SLC8A2: variants seen among roughly 807,000 people sequenced by gnomAD.
The protein encoded by SLC8A2 is sodium/calcium exchanger 2.
A neutral mutation model predicts 70.2 loss-of-function variants in SLC8A2; 14 were observed. The ratio of observed to expected loss-of-function variants is 0.20; its 90% confidence interval spans 0.13 to 0.31. The LOEUF is 0.31. SLC8A2 is among the 10% of genes least tolerant of loss of function. The pLI is 1.00. For synonymous variants in SLC8A2, 575 were observed against 594.3 expected (o/e 0.97, Z 0.47); for missense variants, 779 against 1,320.1 (o/e 0.59, Z 6.35).
intron 3 of SLC8A2, among the ~76,000 whole-genome samples, chr19:47,450,751 G>C (rs974310678): frequency 1.6e-4 from 25 of 152,056 alleles, no homozygotes; most frequent in Non-Finnish European, 3.4e-4. Flanking sequence ...CCAGCTGTGT[G>C]ATCTTGGGCG....
chr19:47,441,396 T>C lies in SLC8A2; in HGVS notation c.1808A>G (p.Lys603Arg), dbSNP rs1390504817. The change falls in exon 5 of 10, where the codon AAA becomes AGA. Residue 603 changes from lysine to arginine, a missense_variant. Physicochemically the swap from Lys to Arg is conservative, Grantham distance 26. This residue lies in a region of SLC8A2 where 247 missense variants were observed against 362.8 expected (regional missense o/e 0.68). Transcript: ENST00000236877. ...CAGCTCAATGAAGAAATTATCCTTT[T>C]TCTCATATTCCTCGTCATCAACTAT... Reference protein sequence around the residue: ...VKIVDDEEYEKKDNFFIELGQ... With the variant: ...VKIVDDEEYERKDNFFIELGQ... 1 of 1,613,996 alleles carries C rather than the reference T, an allele frequency of 6.2e-7. No individual in the cohort carries two copies. Among genetic ancestry groups the C allele is most frequent in the East Asian group, 2.2e-5 (1 of 44,880 alleles).
chr19:47,435,484 G>A (rs566259261), intron 8 of SLC8A2, among the ~76,000 whole-genome samples: 3 of 151,180 alleles, frequency 2.0e-5, no homozygotes, highest in East Asian at 1.9e-4. Flanking sequence ...CCATCTCCCC[G>A]TTGTTCGTGG....
At chr19:47,471,089 A>C (rs766292488) in intron 1 of SLC8A2, among the ~76,000 whole-genome samples, 4 of 151,426 alleles carry the variant, frequency 2.6e-5, no homozygotes, top group Admixed American at 2.6e-4. Context: ...AGAGACTGAG[A>C]TATCCAGAGA....
At chr19:47,444,441 T>G (rs1351871177) in intron 4 of SLC8A2, among the ~76,000 whole-genome samples, 1 of 152,048 alleles carries the variant, frequency 6.6e-6, no homozygotes, top group Admixed American at 6.5e-5. Flanking sequence ...TTCAATTTTC[T>G]GTGGGTGGAA....
At position 47,430,026 on chromosome 19, in the gene SLC8A2, G is replaced by T; in HGVS notation, c.*63C>A. ...GGGGGAAAAGGAGACCAGGGTCCAAGAGCAGGTGCAGCCGAGTCCCTAGCC... is the reference window on the plus strand; with the variant it reads ...GGGGGAAAAGGAGACCAGGGTCCAATAGCAGGTGCAGCCGAGTCCCTAGCC... On this transcript the variant is annotated 3_prime_UTR_variant, in exon 10 of 10. Transcript: ENST00000236877. This position sits in a 1 kb window ranked among gnomAD's most constrained non-coding sequence, Gnocchi z 5.9. 2 of 1,497,096 alleles carry T rather than the reference G, an allele frequency of 1.3e-6. No individual in the cohort carries two copies. The highest frequency in any genetic ancestry group is 1.8e-6 in the Non-Finnish European group (2 of 1,117,742). The allele number at this position is 1,497,096 out of a possible 1,614,324, so 92.7% of individuals were successfully genotyped here. A position where few individuals can be genotyped will look rare whatever the true frequency, so the allele number is the denominator to read the frequency against.
intron 3 of SLC8A2, among the ~76,000 whole-genome samples, chr19:47,449,828 G>A (rs2122632984): frequency 6.6e-6 from 1 of 152,190 alleles, no homozygotes; most frequent in East Asian, 1.9e-4. Context: ...ATCACCTAGG[G>A]CCTGGGTGGG....
intron 3 of SLC8A2, among the ~76,000 whole-genome samples, chr19:47,449,191 G>A (rs111329539): frequency 6.6e-6 from 1 of 152,138 alleles, no homozygotes; most frequent in South Asian, 2.1e-4. Context: ...GAAACAGGAG[G>A]GTAGGGAGTG....
At position 47,430,422 on chromosome 19, in the gene SLC8A2, G is replaced by A; in HGVS notation, c.2433C>T (p.Ala811=). The change falls in exon 10 of 10, where the codon GCC becomes GCT. Residue 811 remains alanine, a synonymous_variant. Coordinates refer to ENST00000236877, the MANE Select transcript of SLC8A2 (RefSeq NM_015063.3). This position sits in a 1 kb window ranked among gnomAD's most constrained non-coding sequence, Gnocchi z 5.9. ...SKVAALQDQC[A]DASIGNVTGS... ...CGGTCACGTTGCCGATGGACGCGTC[G>A]GCGCACTGGTCCTGCAGCGCCGCCA... 1 of 1,608,086 alleles carries A rather than the reference G, an allele frequency of 6.2e-7. No individual in the cohort carries two copies. Among genetic ancestry groups the A allele is most frequent in the Non-Finnish European group, 8.5e-7 (1 of 1,178,570 alleles).
rs1966915573 is a variant in SLC8A2, at chr19:47,429,164, G to T, written c.*925C>A. Reference sequence around the variant, plus strand: ...CCAGATTGTCAGGGGAGATCAACTGGACTCGCTTTGATTCCCGGCCTCCTC... The same window carrying T: ...CCAGATTGTCAGGGGAGATCAACTGTACTCGCTTTGATTCCCGGCCTCCTC... On this transcript the variant is annotated 3_prime_UTR_variant, in exon 10 of 10. Coordinates refer to ENST00000236877, the MANE Select transcript of SLC8A2 (RefSeq NM_015063.3). 1 of 152,586 alleles carries T rather than the reference G, an allele frequency of 6.6e-6. No individual in the cohort carries two copies. Among genetic ancestry groups the T allele is most frequent in the African/African-American group, 2.4e-5 (1 of 41,390 alleles). 9.5% of individuals were successfully genotyped at this position (152,586 alleles called of 1,614,324 possible).
At chr19:47,431,676 A>C (rs11880411) in intron 9 of SLC8A2, among the ~76,000 whole-genome samples, 29,331 of 113,840 alleles carry the variant, frequency 0.26, 5,609 homozygotes, top group African/African-American at 0.54. Context: ...AAAAAAAAAA[A>C]AAAACAAAAC....
Position 47,430,216 on chromosome 19 carries a change from T to G in SLC8A2, c.2639A>C (p.His880Pro), listed in dbSNP as rs1966937254. ...IAVLLYRRRP[H>P]IGGELGGPRG... ...CGGGCCGCCCAGCTCGCCGCCGATG[T>G]GCGGCCGGCGCCGGTACAGCAGCAC... Residue 880 changes from histidine (H) to proline (P), a missense_variant, in exon 10 of 10, where the codon CAC becomes CCC. His to Pro is a moderately conservative substitution (Grantham distance 77). Around this residue, in one of 6 missense-constraint regions of SLC8A2, gnomAD observed 108 missense variants for 269.6 expected, o/e 0.40. Transcript: ENST00000236877. This position sits in a 1 kb window ranked among gnomAD's most constrained non-coding sequence, Gnocchi z 5.9. 1 of 1,608,080 alleles carries G rather than the reference T, an allele frequency of 6.2e-7. No homozygotes were observed. Among genetic ancestry groups the G allele is most frequent in the Non-Finnish European group, 8.5e-7 (1 of 1,177,106 alleles).
At chr19:47,434,794 C>T (rs1967005698) in intron 8 of SLC8A2, among the ~76,000 whole-genome samples, 1 of 152,156 alleles carries the variant, frequency 6.6e-6, no homozygotes, top group Non-Finnish European at 1.5e-5. Flanking sequence ...CAGCAAAGAA[C>T]CAAAAGGCAC....
rs1054092450 is a variant in SLC8A2, at chr19:47,466,803, A to C, written c.-16-384T>G. Among the ~76,000 whole-genome samples the C allele has an allele frequency of 1.3e-5, 2 of 152,178 alleles. No homozygotes were observed. ...TCATAGCAGGCCGGGTGCGGTGGCT[A>C]CGCCTGTAATCCCTGAACTTTGGGA... On this transcript the variant is annotated intron_variant, in intron 1 of 9. Coordinates refer to ENST00000236877, the MANE Select transcript of SLC8A2 (RefSeq NM_015063.3). The surrounding 1 kb of genome is among the most constrained non-coding windows in gnomAD (Gnocchi z 6.9).
chr19:47,452,473 T>A (rs1440028946), intron 3 of SLC8A2, among the ~76,000 whole-genome samples: 2 of 149,426 alleles, frequency 1.3e-5, no homozygotes, highest in Non-Finnish European at 3.0e-5. Context: ...TGTGTGTGTG[T>A]GTGTGTGTGT....
intron 2 of SLC8A2, 51 bp from the exon 3 acceptor site, chr19:47,457,645 C>T (rs1967324631): frequency 7.9e-7 from 1 of 1,261,770 alleles, no homozygotes; most frequent in East Asian, 2.7e-5. Flanking sequence ...CTTCTCCCTC[C>T]CCGCCTCTCT....
In SLC8A2 at chr19:47,428,062, C is replaced by T. The variant is rs1387386424; in HGVS notation, c.*2027G>A. 1 of 152,218 alleles carries T rather than the reference C, an allele frequency of 6.6e-6. No homozygotes were observed. Among genetic ancestry groups the T allele is most frequent in the Non-Finnish European group, 1.5e-5 (1 of 68,082 alleles). 9.4% of individuals were successfully genotyped at this position (152,218 alleles called of 1,614,324 possible). On this transcript the variant is annotated 3_prime_UTR_variant, in exon 10 of 10. Coordinates refer to ENST00000236877, the MANE Select transcript of SLC8A2 (RefSeq NM_015063.3). ...TGCTTTATTTAGGAAACCCCATCAA[C>T]CCCAGCTCTTTGGCTCAGGCAAATG...
chr19:47,454,488 C>G (rs1568445073), intron 3 of SLC8A2, among the ~76,000 whole-genome samples: 1 of 152,102 alleles, frequency 6.6e-6, no homozygotes, highest in African/African-American at 2.4e-5. Context: ...GACAGTGTCT[C>G]ACTCTGTCAC....
chr19:47,443,751 A>G (rs1051468878), intron 4 of SLC8A2, among the ~76,000 whole-genome samples: 1 of 151,464 alleles, frequency 6.6e-6, no homozygotes, highest in African/African-American at 2.4e-5. Context: ...CTGTCCCTAC[A>G]TTTTCCATCT....
At chr19:47,437,761 A>G in intron 7 of SLC8A2, 88 bp downstream of exon 7, 1 of 1,519,788 alleles carries the variant, frequency 6.6e-7, no homozygotes. Context: ...GCTTGATCTT[A>G]GGAACCTTGT....
Sources: gnomAD v4.1 joint callset for allele counts (sites outside exome capture counted in the v4.1 genomes callset) on GRCh38, gnomAD v4.1.1 for gene constraint, gnomAD v4.1.1 regional missense constraint, Gnocchi (gnomAD v3.1) non-coding constraint, MANE v1.5 for transcripts, NCBI Gene and HGNC (gene_info 2026-07-23, HGNC 2026-07-21) for gene names.